CNBD1: variants seen among roughly 807,000 people sequenced by gnomAD.
CNBD1 encodes cyclic nucleotide binding domain containing 1, also known as cyclic nucleotide-binding domain-containing protein 1.
Under a neutral mutation model 54.4 loss-of-function variants are expected in CNBD1, and 71 were observed. That is an observed-to-expected ratio of 1.30 (90% CI 1.08 to 1.59). The LOEUF is 1.59. CNBD1 is among the 40% of genes most tolerant of loss of function. CNBD1 has a pLI of 0.00. For missense variants in CNBD1, 659 were observed against 518.0 expected (o/e 1.27, Z -2.64); for synonymous variants, 182 against 170.7 (o/e 1.07, Z -0.51).
At chr8:87,089,057 C>T (rs1811154559) in intron 4 of CNBD1, among the ~76,000 whole-genome samples, 1 of 151,892 alleles carries the variant, frequency 6.6e-6, no homozygotes, top group South Asian at 2.1e-4. Context: ...CTAGGCTTTA[C>T]AAATGCTTAG....
At chr8:87,190,913 GTATCTATATCTA>G (rs1342590325) in intron 4 of CNBD1, among the ~76,000 whole-genome samples, 1 of 140,268 alleles carries the variant, frequency 7.1e-6, no homozygotes, top group African/African-American at 2.8e-5. Flanking sequence ...ATAGGTACAT[GTATCTATATCTA>G]TTTAGATATA....
chr8:86,942,541 C>T (rs1807355443), intron 4 of CNBD1, among the ~76,000 whole-genome samples: 1 of 152,204 alleles, frequency 6.6e-6, no homozygotes, highest in South Asian at 2.1e-4. Context: ...CCTCTTTCTA[C>T]TAGAGACTCC....
In CNBD1 at chr8:87,251,595, G is replaced by GAAA. The variant is rs34264085; in HGVS notation, c.771+14496_771+14498dup. ...AAGAGCGAAACTCTGTCTCAAAAAAGAAAAAAAAAAAAAAAGAACAAAAAT... is the reference window on the plus strand; with the variant it reads ...AAGAGCGAAACTCTGTCTCAAAAAAGAAAAAAAAAAAAAAAAAAGAACAAAAAT... On this transcript the variant is annotated intron_variant, in intron 6 of 10. Transcript: ENST00000518476. Among the ~76,000 whole-genome samples, 117 of 135,380 alleles carry GAAA rather than the reference G, an allele frequency of 8.6e-4. 2 individuals are homozygous for GAAA. In the South Asian group the frequency reaches 9.4e-3, roughly 11 times the overall value. 88.8% of individuals were successfully genotyped at this position (135,380 alleles called of 152,430 possible).
chr8:87,225,783 T>C (rs1021830409), intron 5 of CNBD1, among the ~76,000 whole-genome samples: 5 of 150,222 alleles, frequency 3.3e-5, no homozygotes, highest in African/African-American at 1.2e-4. Flanking sequence ...TTCCCTCTTT[T>C]TCTATTGATT....
chr8:87,242,479 A>T (rs115127435), intron 6 of CNBD1, among the ~76,000 whole-genome samples: 1 of 152,196 alleles, frequency 6.6e-6, no homozygotes, highest in Admixed American at 6.5e-5. Flanking sequence ...CTTTATATTA[A>T]TTAACCCTCT....
At chr8:87,010,262 A>G (rs1425835294) in intron 4 of CNBD1, among the ~76,000 whole-genome samples, 1 of 152,032 alleles carries the variant, frequency 6.6e-6, no homozygotes, top group Non-Finnish European at 1.5e-5. Context: ...TGTATAGACA[A>G]TGGTTCATGT....
chr8:87,211,890 T>C (rs912656949), intron 5 of CNBD1, among the ~76,000 whole-genome samples: 1 of 152,206 alleles, frequency 6.6e-6, no homozygotes, highest in Non-Finnish European at 1.5e-5. Context: ...CAAGTTCAGA[T>C]ACAAACTATC....
chr8:87,351,321 A>G (rs1810287042), intron 8 of CNBD1, among the ~76,000 whole-genome samples: 1 of 152,064 alleles, frequency 6.6e-6, no homozygotes, highest in African/African-American at 2.4e-5. Flanking sequence ...TTATTAAACT[A>G]TCAGAAATTT....
intron 4 of CNBD1, among the ~76,000 whole-genome samples, chr8:87,135,303 C>T (rs1812205720): frequency 2.0e-5 from 3 of 151,582 alleles, no homozygotes; most frequent in Non-Finnish European, 4.4e-5. Context: ...GATGGAAAAG[C>T]AAATGTATTT....
intron 8 of CNBD1, among the ~76,000 whole-genome samples, chr8:87,340,536 A>G (rs941272281): frequency 6.6e-6 from 1 of 152,060 alleles, no homozygotes; most frequent in Non-Finnish European, 1.5e-5. Context: ...CATAATGCAC[A>G]TGTTGGTCAC....
At chr8:86,868,586 C>T (rs1009707281) in intron 1 of CNBD1, among the ~76,000 whole-genome samples, 4 of 152,132 alleles carry the variant, frequency 2.6e-5, no homozygotes, top group African/African-American at 9.7e-5. Context: ...CCCCCTCAGC[C>T]TCCCAAAGTG....
chr8:87,309,382 A>C (rs927213287), intron 8 of CNBD1, among the ~76,000 whole-genome samples: 1 of 152,030 alleles, frequency 6.6e-6, no homozygotes, highest in Non-Finnish European at 1.5e-5. Context: ...CTTGGTACCT[A>C]ATATTTTAGC....
At chr8:87,159,156 G>A (rs891392935) in intron 4 of CNBD1, among the ~76,000 whole-genome samples, 1 of 152,106 alleles carries the variant, frequency 6.6e-6, no homozygotes, top group African/African-American at 2.4e-5. Flanking sequence ...ATTATAAAAG[G>A]TTAATACTGA....
At chr8:87,021,118 C>G (rs1809479607) in intron 4 of CNBD1, among the ~76,000 whole-genome samples, 1 of 152,304 alleles carries the variant, frequency 6.6e-6, no homozygotes, top group South Asian at 2.1e-4. Context: ...CTCATGCATC[C>G]TAAAATACAT....
At chr8:87,276,807 G>A (rs7844806) in intron 6 of CNBD1, among the ~76,000 whole-genome samples, 42,525 of 151,364 alleles carry the variant, frequency 0.28, 6,386 homozygotes, top group African/African-American at 0.39. Flanking sequence ...ACATCCAACA[G>A]CTTGCAAGCA....
intron 4 of CNBD1, among the ~76,000 whole-genome samples, chr8:87,061,489 C>A (rs1424306947): frequency 2.0e-5 from 3 of 152,198 alleles, no homozygotes; most frequent in African/African-American, 7.2e-5. Flanking sequence ...CCACTGACTT[C>A]CCAGAATGGC....
At chr8:87,412,932 G>T (rs1159410981) in intron 2 of CNBD1, among the ~76,000 whole-genome samples, 1 of 152,054 alleles carries the variant, frequency 6.6e-6, no homozygotes, top group Non-Finnish European at 1.5e-5. Flanking sequence ...CAGGGTAGGT[G>T]GAGGGATGAT....
chr8:87,071,205 A>C (rs1195878969), intron 4 of CNBD1, among the ~76,000 whole-genome samples: 1 of 152,042 alleles, frequency 6.6e-6, no homozygotes, highest in Non-Finnish European at 1.5e-5. Context: ...TCAATATATA[A>C]ATTTCTCAAG....
At chr8:87,405,134 A>C (rs991027675) in intron 2 of CNBD1, among the ~76,000 whole-genome samples, 3 of 152,070 alleles carry the variant, frequency 2.0e-5, no homozygotes, top group African/African-American at 7.2e-5. Flanking sequence ...GACTTAATAT[A>C]CTCAACCATT....
Sources: gnomAD v4.1 joint callset for allele counts (sites outside exome capture counted in the v4.1 genomes callset) on GRCh38, gnomAD v4.1.1 for gene constraint, MANE v1.5 for transcripts, NCBI Gene and HGNC (gene_info 2026-07-23, HGNC 2026-07-21) for gene names.